The following MARCHF5 variants were observed in gnomAD, a reference collection of about 807,000 sequenced individuals.
The protein encoded by MARCHF5 is E3 ubiquitin-protein ligase MARCHF5.
A neutral mutation model predicts 36.5 loss-of-function variants in MARCHF5; 5 were observed. The ratio of observed to expected loss-of-function variants is 0.14; its 90% CI spans 0.07 to 0.29. The LOEUF (loss-of-function observed/expected upper bound fraction) is 0.29, where lower values mean the gene tolerates loss of function less well. Among genes scored for constraint, MARCHF5 ranks in the 10% least tolerant of loss-of-function variants. MARCHF5 has a pLI of 1.00. For synonymous variants in MARCHF5, 103 were observed against 109.9 expected, an observed-to-expected ratio of 0.94 and a Z score of 0.39; for missense variants, 179 against 336.3, an observed-to-expected ratio of 0.53 and a Z score of 3.66.
At position 92,351,901 on chromosome 10, in the gene MARCHF5, CGTGT is replaced by C. The variant is rs10552774; in HGVS notation, c.*729_*732del. On this transcript the variant is annotated 3_prime_UTR_variant, in exon 6 of 6. Transcript: ENST00000358935. The stretch of plus-strand genomic sequence containing the variant: ...ATGAAGTAATTTTGACTCATGCAGT[CGTGT>C]GTGTGTGTGTGTGTGTGTGTGTGTG... The C allele has an allele frequency of 0.077, 10,845 of 141,138 alleles. 738 individuals carry two copies. The highest frequency in any genetic ancestry group is 0.19 in the African/African-American group (7,498 of 38,478). The allele number at this position is 141,138 out of a possible 1,614,324, so 8.7% of individuals were successfully genotyped here. A position where few individuals can be genotyped will look rare whatever the true frequency, so the allele number is the denominator to read the frequency against.
In MARCHF5 at chr10:92,317,782, G is replaced by A. The variant is rs181489580; in HGVS notation, c.238+6445G>A. ...TTTTTTTTTTTTGAGGCACAGTCTC[G>A]CTCTGTTGCCCAGGCTGGAGTACAG... is the stretch of plus-strand genomic sequence containing the variant. On this transcript the variant is annotated intron_variant, in intron 2 of 5. Coordinates refer to ENST00000358935, the MANE Select transcript of MARCHF5 (RefSeq NM_017824.5). Among the ~76,000 whole-genome samples, 19 of 143,572 alleles carry A rather than the reference G, an allele frequency of 1.3e-4. No individual in the cohort carries two copies. The East Asian group carries it at 2.7e-3, about 20-fold the overall frequency. 94.2% of individuals were successfully genotyped at this position (143,572 alleles called of 152,430 possible).
chr10:92,350,047 G>A, intron 5 of MARCHF5: 2 of 515,246 alleles, frequency 3.9e-6, no homozygotes. Context: ...CTATGTTGTA[G>A]GTGCTTTCTC....
At chr10:92,317,342 A>G (rs1291228853) in intron 2 of MARCHF5, among the ~76,000 whole-genome samples, 1 of 151,958 alleles carries the variant, frequency 6.6e-6, no homozygotes, top group African/African-American at 2.4e-5. Flanking sequence ...CAGGTGATCC[A>G]CCCACCTTGG....
At chr10:92,319,809 C>T (rs899333827) in intron 2 of MARCHF5, among the ~76,000 whole-genome samples, 8 of 150,688 alleles carry the variant, frequency 5.3e-5, no homozygotes, top group South Asian at 2.1e-4. Context: ...CACCTGCCAC[C>T]GTGCCCAGCT....
rs187236305 is a variant in MARCHF5, at chr10:92,324,900, C to T, written c.238+13563C>T. Among the ~76,000 whole-genome samples the T allele has an allele frequency of 6.4e-4, 97 of 152,042 alleles. 1 individual carries two copies. Among genetic ancestry groups the T allele is most frequent in the Non-Finnish European group, 1.3e-3 (85 of 67,992 alleles). On this transcript the variant is annotated intron_variant, in intron 2 of 5. Transcript: ENST00000358935. ...ATTAAAACTTTTTTTAATGGCCTAA[C>T]GTAGGTTTATCCTGGAGAATGTTCC...
chr10:92,296,533 C>G (rs563569400), intron 1 of MARCHF5, among the ~76,000 whole-genome samples: 2 of 152,224 alleles, frequency 1.3e-5, no homozygotes, highest in South Asian at 4.1e-4. Context: ...GAGAACAATG[C>G]AAAGAATATT....
intron 2 of MARCHF5, among the ~76,000 whole-genome samples, chr10:92,335,524 G>A (rs1843491880): frequency 6.6e-6 from 1 of 152,164 alleles, no homozygotes; most frequent in Non-Finnish European, 1.5e-5. Context: ...AGCCTTAAGA[G>A]ATTTAGACAA....
chr10:92,336,412 A>T (rs1209493420), intron 2 of MARCHF5, among the ~76,000 whole-genome samples: 1 of 152,210 alleles, frequency 6.6e-6, no homozygotes, highest in African/African-American at 2.4e-5. Flanking sequence ...TAGACTTTGC[A>T]TGTGCCCATG....
intron 3 of MARCHF5, among the ~76,000 whole-genome samples, chr10:92,342,604 G>C (rs779541104): frequency 6.6e-6 from 1 of 152,084 alleles, no homozygotes; most frequent in Non-Finnish European, 1.5e-5. Flanking sequence ...GGACCTTCTT[G>C]GTTTATCTGA....
At chr10:92,350,097 C>A in intron 5 of MARCHF5, 1 of 379,822 alleles carries the variant, frequency 2.6e-6, no homozygotes, top group Non-Finnish European at 4.7e-6. Context: ...GTCCCTCTTG[C>A]CAGTGGGATT....
chr10:92,340,602 G>A, intron 2 of MARCHF5, 71 bp from the exon 3 acceptor site: 1 of 1,417,080 alleles, frequency 7.1e-7, no homozygotes, highest in Non-Finnish European at 9.5e-7. Context: ...TAGATCTATA[G>A]AAAATATCAA....
chr10:92,322,964 T>C lies in MARCHF5; in HGVS notation c.238+11627T>C, dbSNP rs1230240873. ...TGTTGGCCAGGATGGTCTTGATCTC[T>C]TGACCTCGTGATCCACCCACCTTGG... is the stretch of plus-strand genomic sequence containing the variant. On this transcript the variant is annotated intron_variant, in intron 2 of 5. Coordinates refer to ENST00000358935, the MANE Select transcript of MARCHF5 (RefSeq NM_017824.5). Among the ~76,000 whole-genome samples, 215 of 151,596 alleles carry C rather than the reference T, an allele frequency of 1.4e-3. 1 individual carries two copies. Among genetic ancestry groups the C allele is most frequent in the African/African-American group, 4.8e-3 (198 of 41,040 alleles).
In MARCHF5 at chr10:92,340,810, T is replaced by G; in HGVS notation, c.369+7T>G. On this transcript the variant is annotated splice_region_variant and intron_variant, in intron 3 of 5. Transcript: ENST00000358935. ...AGCAGTGACAGTGATGCAGGTTCAC[T>G]ATTTTACCTATATAGTGATATTACT... 1 of 1,604,496 alleles carries G rather than the reference T, an allele frequency of 6.2e-7. No individual in the cohort carries two copies. The highest frequency in any genetic ancestry group is 1.1e-5 in the South Asian group (1 of 88,868).
chr10:92,336,681 T>G (rs1053179707), intron 2 of MARCHF5, among the ~76,000 whole-genome samples: 1 of 151,738 alleles, frequency 6.6e-6, no homozygotes, highest in African/African-American at 2.4e-5. Context: ...ACCTGTAGTC[T>G]CAGCTACTCA....
At chr10:92,306,955 A>T (rs1002221394) in intron 1 of MARCHF5, among the ~76,000 whole-genome samples, 21 of 152,276 alleles carry the variant, frequency 1.4e-4, no homozygotes, top group Non-Finnish European at 2.9e-4. Flanking sequence ...CAGAGGTTGC[A>T]GTGAGTCAAG....
intron 2 of MARCHF5, among the ~76,000 whole-genome samples, chr10:92,336,176 C>A (rs1462293985): frequency 1.3e-5 from 2 of 152,178 alleles, no homozygotes; most frequent in African/African-American, 4.8e-5. Context: ...GCTGGGATTA[C>A]AAGCACACAC....
At chr10:92,302,632 C>T (rs113561335) in intron 1 of MARCHF5, among the ~76,000 whole-genome samples, 10,358 of 151,856 alleles carry the variant, frequency 0.068, 1,147 homozygotes, top group African/African-American at 0.24. Context: ...TTAGTAGAGA[C>T]GGGGTTTCTC....
intron 2 of MARCHF5, among the ~76,000 whole-genome samples, chr10:92,336,548 A>G (rs1194238050): frequency 1.3e-5 from 2 of 152,184 alleles, no homozygotes; most frequent in Non-Finnish European, 2.9e-5. Context: ...ATGTTATGTG[A>G]TAAGTGCTTT....
chr10:92,328,615 C>G (rs759999674), intron 2 of MARCHF5, among the ~76,000 whole-genome samples: 1 of 151,396 alleles, frequency 6.6e-6, no homozygotes, highest in Admixed American at 6.6e-5. Flanking sequence ...CCCATTCTTT[C>G]CATTCTCATT....
Sources: allele counts gnomAD v4.1 joint callset (sites outside exome capture counted in the v4.1 genomes callset), GRCh38; gene constraint gnomAD v4.1.1; transcripts MANE v1.5; gene names NCBI Gene and HGNC (gene_info 2026-07-23, HGNC 2026-07-21).